OTUD7A: variants seen among roughly 807,000 people sequenced by gnomAD.
OTUD7A encodes the protein OTU deubiquitinase 7A.
In OTUD7A, 12 loss-of-function variants were observed where a neutral mutation model predicts 65.7. That is an observed-to-expected ratio of 0.18 (90% confidence interval 0.12 to 0.30). OTUD7A has a LOEUF of 0.30. Ranked by LOEUF, OTUD7A falls within the 10% of genes least tolerant of loss-of-function variation. The pLI, the probability that OTUD7A is intolerant of heterozygous loss-of-function variation, is 1.00. For missense variants in OTUD7A, 1,148 were observed against 1,304.8 expected, an observed-to-expected ratio of 0.88 and a Z score of 1.85; for synonymous variants, 641 against 586.3, an observed-to-expected ratio of 1.09 and a Z score of -1.35.
intron 3 of OTUD7A, among the ~76,000 whole-genome samples, chr15:31,622,209 T>C (rs868371410): frequency 2.6e-5 from 4 of 152,338 alleles, no homozygotes; most frequent in Non-Finnish European, 2.9e-5. Context: ...TTTTCCTTCA[T>C]TTCAACTTTG....
At position 31,644,977 on chromosome 15, in the gene OTUD7A, G is replaced by A. The variant is rs556317914; in HGVS notation, c.151+10119C>T. Among the ~76,000 whole-genome samples, 3 of 152,208 alleles carry A rather than the reference G, an allele frequency of 2.0e-5. No homozygotes were observed. The South Asian group carries it at 6.3e-4, about 32-fold the overall frequency. ...CTGCACACAGCTTCCTCACACACAGGCACTGATCGGCACTTGGCTGAGTGG... is the reference window on the plus strand; with the variant it reads ...CTGCACACAGCTTCCTCACACACAGACACTGATCGGCACTTGGCTGAGTGG... On this transcript the variant is annotated intron_variant, in intron 3 of 12. Transcript: ENST00000307050.
At chr15:31,663,955 A>G (rs1390074423) in intron 1 of OTUD7A, among the ~76,000 whole-genome samples, 1 of 152,180 alleles carries the variant, frequency 6.6e-6, no homozygotes, top group Non-Finnish European at 1.5e-5. Context: ...TACTTCACTT[A>G]GAATAATAGT....
At chr15:31,617,156 G>A (rs113264637) in intron 3 of OTUD7A, among the ~76,000 whole-genome samples, 3,145 of 152,106 alleles carry the variant, frequency 0.021, 100 homozygotes, top group African/African-American at 0.073. Context: ...AAAGAGAATC[G>A]ATGAAGCCAA....
chr15:31,820,313 C>G (rs1301960413), intron 1 of OTUD7A, among the ~76,000 whole-genome samples: 1 of 152,176 alleles, frequency 6.6e-6, no homozygotes, highest in Non-Finnish European at 1.5e-5. Flanking sequence ...ACACCATTTG[C>G]CTTCAAAGTT....
In OTUD7A at chr15:31,620,866, C is replaced by T. The variant is rs1315249499; in HGVS notation, c.151+34230G>A. 7.5e-5 allele frequency among the ~76,000 whole-genome samples: 8 copies of T among 106,298 alleles called. 1 individual carries two copies. Among genetic ancestry groups the T allele is most frequent in the South Asian group, 2.7e-4 (1 of 3,748 alleles). The allele number at this position is 106,298 out of a possible 152,430, so 69.7% of individuals were successfully genotyped here. ...TCTTTTAACTGTGACGTTAGGGTGT[C>T]GATTTTGGATCTTTCCTGCTTTCTC... On this transcript the variant is annotated intron_variant, in intron 3 of 12. Transcript: ENST00000307050.
At chr15:31,486,321 G>GTA (rs1391095420) in intron 12 of OTUD7A, among the ~76,000 whole-genome samples, 2 of 152,152 alleles carry the variant, frequency 1.3e-5, no homozygotes, top group African/African-American at 4.8e-5. Context: ...GTAAAATGGG[G>GTA]TATCAGTCCC....
chr15:31,609,613 C>A (rs1890337565), intron 3 of OTUD7A, among the ~76,000 whole-genome samples: 1 of 152,170 alleles, frequency 6.6e-6, no homozygotes, highest in African/African-American at 2.4e-5. Flanking sequence ...CCCTGCCCCC[C>A]ATTGATGGTC....
At chr15:31,812,194 C>G (rs1003372954) in intron 1 of OTUD7A, among the ~76,000 whole-genome samples, 1 of 152,130 alleles carries the variant, frequency 6.6e-6, no homozygotes, top group African/African-American at 2.4e-5. Context: ...CAAACATGTC[C>G]TGGACCCACT....
rs889952573 is a variant in OTUD7A at position 31,480,965 on chromosome 15, T to C, written c.*2329A>G. ...GTGATGGGTGGAGGTAACTTGGAAATGCAAGGGTAGAATAGGTCCTGGTGT... is the reference window on the plus strand; with the variant it reads ...GTGATGGGTGGAGGTAACTTGGAAACGCAAGGGTAGAATAGGTCCTGGTGT... On this transcript the variant is annotated 3_prime_UTR_variant, in exon 13 of 13. Coordinates refer to ENST00000307050, the MANE Select transcript of OTUD7A (RefSeq NM_001382637.1). 1 of 152,270 alleles carries C rather than the reference T, an allele frequency of 6.6e-6. No individual in the cohort carries two copies. Among genetic ancestry groups the C allele is most frequent in the Non-Finnish European group, 1.5e-5 (1 of 68,050 alleles). 9.4% of individuals were successfully genotyped at this position (152,270 alleles called of 1,614,324 possible). A position where few individuals can be genotyped will look rare whatever the true frequency, so the allele number is the denominator to read the frequency against.
intron 1 of OTUD7A, among the ~76,000 whole-genome samples, chr15:31,732,550 A>T (rs970361768): frequency 3.3e-5 from 5 of 152,248 alleles, no homozygotes; most frequent in African/African-American, 1.2e-4. Flanking sequence ...ACAACTAAAA[A>T]GTTGGTTCTT....
intron 6 of OTUD7A, 64 bp downstream of exon 6, chr15:31,530,643 G>C (rs936426683): frequency 1.5e-5 from 22 of 1,431,060 alleles, no homozygotes; most frequent in Non-Finnish European, 2.0e-5. Context: ...TCCTTCAATA[G>C]CATATGTCTT....
At position 31,484,327 on chromosome 15, in the gene OTUD7A, G is replaced by A. The variant is rs200515947; in HGVS notation, c.1769C>T (p.Pro590Leu). ...GGGCGACGGCGTGGTCTTTTCCGAC[G>A]GCGACGTGCTGGCCGACGCACCAGA... ...EESGASASTSPSEKTTPSPTD... is the reference protein window; with the variant it reads ...EESGASASTSLSEKTTPSPTD... Residue 590 changes from proline to leucine, a missense_variant, in exon 13 of 13, where the codon CCG becomes CTG. Physicochemically the swap from Pro to Leu is moderately conservative, Grantham distance 98 (BLOSUM62 -3). This residue lies in a region of OTUD7A where 842 missense variants were observed against 769.5 expected (regional missense o/e 1.09). Transcript: ENST00000307050. The surrounding 1 kb of genome is among the most constrained non-coding windows in gnomAD (Gnocchi z 4.5). 1.8e-5 allele frequency: 29 copies of A among 1,599,268 alleles called. No individual in the cohort carries two copies. Among genetic ancestry groups the A allele is most frequent in the Non-Finnish European group, 2.3e-5 (27 of 1,178,596 alleles).
At chr15:31,835,558 C>T (rs1000852257) in intron 1 of OTUD7A, among the ~76,000 whole-genome samples, 9 of 152,154 alleles carry the variant, frequency 5.9e-5, no homozygotes, top group Non-Finnish European at 1.3e-4. Flanking sequence ...TGCAAGTATG[C>T]TGTTTTATTC....
chr15:31,616,255 C>T (rs1474779661), intron 3 of OTUD7A, among the ~76,000 whole-genome samples: 1 of 152,202 alleles, frequency 6.6e-6, no homozygotes, highest in Non-Finnish European at 1.5e-5. Flanking sequence ...AATAAACCGT[C>T]TGCATCTAAA....
intron 1 of OTUD7A, among the ~76,000 whole-genome samples, chr15:31,802,125 G>A (rs1488604732): frequency 5.9e-5 from 8 of 136,018 alleles, no homozygotes; most frequent in African/African-American, 2.2e-4. Context: ...GTGTGTGTGT[G>A]TGTGTGTGTG....
intron 1 of OTUD7A, among the ~76,000 whole-genome samples, chr15:31,810,446 TAAG>T (rs924278322): frequency 6.6e-6 from 1 of 152,126 alleles, no homozygotes. Flanking sequence ...TGTGTCCATA[TAAG>T]AAGAAAAAGA....
chr15:31,717,447 G>A (rs1039570188), intron 1 of OTUD7A, among the ~76,000 whole-genome samples: 57 of 152,098 alleles, frequency 3.7e-4, no homozygotes, highest in African/African-American at 1.3e-3. Flanking sequence ...GCGTCCATGT[G>A]TTCTCATTGT....
intron 1 of OTUD7A, among the ~76,000 whole-genome samples, chr15:31,730,006 G>GC (rs982923089): frequency 6.6e-6 from 1 of 152,072 alleles, no homozygotes; most frequent in South Asian, 2.1e-4. Context: ...TGAAACCCTA[G>GC]CCCCCCAGGG....
At chr15:31,500,674 C>A (rs2041454365) in intron 10 of OTUD7A, among the ~76,000 whole-genome samples, 1 of 152,204 alleles carries the variant, frequency 6.6e-6, no homozygotes, top group Non-Finnish European at 1.5e-5. Context: ...CCTAGGGGTG[C>A]AATCTTGTTG....
Sources: gnomAD v4.1 joint callset for allele counts (sites outside exome capture counted in the v4.1 genomes callset) on GRCh38, gnomAD v4.1.1 for gene constraint, gnomAD v4.1.1 regional missense constraint, Gnocchi (gnomAD v3.1) non-coding constraint, MANE v1.5 for transcripts, NCBI Gene and HGNC (gene_info 2026-07-23, HGNC 2026-07-21) for gene names.